Variants in RREB1 observed in about 807,000 individuals in gnomAD.
The protein encoded by RREB1 is ras-responsive element-binding protein 1.
RREB1 carries 27 observed loss-of-function variants against 117.8 expected under a neutral mutation model. The observed-to-expected ratio is 0.23, with a 90% CI of 0.17 to 0.32. The LOEUF (loss-of-function observed/expected upper bound fraction) is 0.32, where lower values mean the gene tolerates loss of function less well. Among genes scored for constraint, RREB1 ranks in the 10% least tolerant of loss-of-function variants. The pLI, the probability that RREB1 is intolerant of heterozygous loss-of-function variation, is 1.00. For synonymous variants in RREB1, 1,298 were observed against 1,026.7 expected, an observed-to-expected ratio of 1.26 and a Z score of -5.05; for missense variants, 2,577 against 2,378.2, an observed-to-expected ratio of 1.08 and a Z score of -1.74.
chr6:7,130,906 C>T (rs1299907589), intron 1 of RREB1, among the ~76,000 whole-genome samples: 1 of 145,182 alleles, frequency 6.9e-6, no homozygotes, highest in Non-Finnish European at 1.5e-5. Context: ...TGAGCCACTG[C>T]TCCTGACTGT....
At chr6:7,144,983 G>A (rs1222106974) in intron 1 of RREB1, among the ~76,000 whole-genome samples, 4 of 152,166 alleles carry the variant, frequency 2.6e-5, no homozygotes, top group Non-Finnish European at 5.9e-5. Context: ...TACAAACATA[G>A]TTAAGGGGGG....
At chr6:7,161,704 C>T (rs1763672468) in intron 1 of RREB1, among the ~76,000 whole-genome samples, 1 of 152,182 alleles carries the variant, frequency 6.6e-6, no homozygotes, top group Admixed American at 6.5e-5. Context: ...TGATAACCAT[C>T]CATGCTCTTT....
chr6:7,233,930 G>A (rs1768149889), intron 10 of RREB1, among the ~76,000 whole-genome samples: 1 of 152,204 alleles, frequency 6.6e-6, no homozygotes, highest in African/African-American at 2.4e-5. Flanking sequence ...GGGAGCGATA[G>A]GACTCTCAGT....
Position 7,210,341 on chromosome 6 carries a change from C to G in RREB1, c.426-463C>G, listed in dbSNP as rs1581541968. 2.6e-5 allele frequency among the ~76,000 whole-genome samples: 4 copies of G among 152,150 alleles called. No homozygotes were observed. In the South Asian group the frequency reaches 8.3e-4, roughly 32 times the overall value. ...TCAAATTTGACCACCAAAATGCTTC[C>G]AAAGCAGAAAAGAGAGATGTGTACA... is the stretch of plus-strand genomic sequence containing the variant. On this transcript the variant is annotated intron_variant, in intron 6 of 12. Coordinates refer to ENST00000379938, the MANE Select transcript of RREB1 (RefSeq NM_001003699.4).
At position 7,230,029 on chromosome 6, in the gene RREB1, C is replaced by A. The variant is rs773245765; in HGVS notation, c.1930C>A (p.Pro644Thr). ...KTPAMRKVLY[P>T]CRFCNQVFAF... ...GCCCGCCATGCGCAAGGTGCTCTAC[C>A]CCTGCCGCTTCTGCAACCAGGTGTT... The change falls in exon 10 of 13, where the codon CCC (proline) becomes ACC (threonine). Residue 644 changes from proline to threonine, a missense_variant. Coordinates refer to ENST00000379938, the MANE Select transcript of RREB1 (RefSeq NM_001003699.4). 1.2e-6 allele frequency: 2 copies of A among 1,611,100 alleles called. No homozygotes were observed. The highest frequency in any genetic ancestry group is 1.7e-6 in the Non-Finnish European group (2 of 1,177,960).
At chr6:7,188,184 A>T (rs1387338835) in intron 5 of RREB1, among the ~76,000 whole-genome samples, 1 of 151,784 alleles carries the variant, frequency 6.6e-6, no homozygotes, top group Non-Finnish European at 1.5e-5. Context: ...AATAAATCTC[A>T]AAATAAATAA....
intron 1 of RREB1, among the ~76,000 whole-genome samples, chr6:7,118,237 C>G (rs1761500724): frequency 6.6e-6 from 1 of 152,178 alleles, no homozygotes; most frequent in South Asian, 2.1e-4. Context: ...TCTCCCACCT[C>G]AGCCTCCTGA....
Position 7,229,129 on chromosome 6 carries a change from G to C in RREB1, c.1030G>C (p.Gly344Arg). 1 of 1,609,194 alleles carries C rather than the reference G, an allele frequency of 6.2e-7. No homozygotes were observed. The highest frequency in any genetic ancestry group is 8.5e-7 in the Non-Finnish European group (1 of 1,176,220). The change falls in exon 10 of 13, where the codon GGT (glycine) becomes CGT (arginine). Residue 344 changes from glycine (G) to arginine (R), a missense_variant. Gly to Arg is a moderately radical substitution (Grantham distance 125). Coordinates refer to ENST00000379938, the MANE Select transcript of RREB1 (RefSeq NM_001003699.4). This position sits in a 1 kb window ranked among gnomAD's most constrained non-coding sequence, Gnocchi z 4.5. ...GCAGACCCATGTGGCGGCAGACCAG[G>C]GTCAAGAAAAGCCGCAGGCCACGCC... is the stretch of plus-strand genomic sequence containing the variant. ...HKQTHVAADQ[G>R]QEKPQATPLP...
chr6:7,133,890 G>A (rs536682818), intron 1 of RREB1, among the ~76,000 whole-genome samples: 2 of 151,876 alleles, frequency 1.3e-5, no homozygotes, highest in South Asian at 2.1e-4. Context: ...TACAAAAATG[G>A]GATTTATTGT....
chr6:7,172,691 T>TGGG (rs147465069), intron 1 of RREB1, among the ~76,000 whole-genome samples: 22 of 135,032 alleles, frequency 1.6e-4, no homozygotes, highest in African/African-American at 3.1e-4. Context: ...GTTGCCGGTG[T>TGGG]GGGGGGGTGG....
intron 10 of RREB1, among the ~76,000 whole-genome samples, chr6:7,239,952 G>A (rs887089056): frequency 6.6e-6 from 1 of 152,204 alleles, no homozygotes; most frequent in African/African-American, 2.4e-5. Flanking sequence ...CCCTGGCTGG[G>A]GGCTGTCCCT....
intron 1 of RREB1, among the ~76,000 whole-genome samples, chr6:7,141,753 C>G (rs557668466): frequency 6.6e-6 from 1 of 152,224 alleles, no homozygotes; most frequent in African/African-American, 2.4e-5. Context: ...GGGGTGCAGA[C>G]ACTTGCCTGC....
At chr6:7,219,487 A>T (rs1767113146) in intron 8 of RREB1, among the ~76,000 whole-genome samples, 1 of 152,150 alleles carries the variant, frequency 6.6e-6, no homozygotes, top group African/African-American at 2.4e-5. Context: ...TGACTCAGGC[A>T]CGTGGTCAGG....
At position 7,247,111 on chromosome 6, in the gene RREB1, C is replaced by A. The variant is rs35742417; in HGVS notation, c.4661C>A (p.Ser1554Tyr). Residue 1554 changes from serine (S) to tyrosine (Y), a missense_variant, in exon 12 of 13, where the codon TCC (serine) becomes TAC (tyrosine). Ser to Tyr is a moderately radical substitution (Grantham distance 144, BLOSUM62 -2). Coordinates refer to ENST00000379938, the MANE Select transcript of RREB1 (RefSeq NM_001003699.4). ...GATGACAAGAAACCAAAGACAGACT[C>A]CCCCAAAAGCGTGGCCAGCAAGGCA... is the stretch of plus-strand genomic sequence containing the variant. ...SDDDKKPKTD[S>Y]PKSVASKADK... 265,489 of 1,613,522 alleles carry A rather than the reference C, an allele frequency of 0.16. 24,054 individuals carry two copies. Among genetic ancestry groups the A allele is most frequent in the African/African-American group, 0.21 (15,692 of 74,924 alleles).
At chr6:7,112,132 T>A (rs1761176227) in intron 1 of RREB1, among the ~76,000 whole-genome samples, 1 of 152,224 alleles carries the variant, frequency 6.6e-6, no homozygotes, top group African/African-American at 2.4e-5. Context: ...GCTATCTTTT[T>A]AAAAATAATT....
At chr6:7,141,224 C>G (rs2113385488) in intron 1 of RREB1, among the ~76,000 whole-genome samples, 1 of 152,046 alleles carries the variant, frequency 6.6e-6, no homozygotes, top group South Asian at 2.1e-4. Flanking sequence ...GGCTGGCGGG[C>G]TGGCGGGGGC....
chr6:7,118,191 G>A (rs2113302085), intron 1 of RREB1, among the ~76,000 whole-genome samples: 1 of 152,248 alleles, frequency 6.6e-6, no homozygotes, highest in South Asian at 2.1e-4. Context: ...TGGAATCTCA[G>A]CTCACTGCAA....
intron 10 of RREB1, 80 bp downstream of exon 10, chr6:7,231,987 C>G (rs959341343): frequency 1.5e-5 from 21 of 1,375,238 alleles, no homozygotes; most frequent in Admixed American, 8.9e-5. Flanking sequence ...AAAAGCGAGA[C>G]CCATCTCCCA....
intron 2 of RREB1, among the ~76,000 whole-genome samples, chr6:7,179,186 C>T (rs1764659281): frequency 6.6e-6 from 1 of 152,090 alleles, no homozygotes; most frequent in African/African-American, 2.4e-5. Context: ...TACATTTAGT[C>T]TTAAAGGTGT....
Sources: allele counts gnomAD v4.1 joint callset (sites outside exome capture counted in the v4.1 genomes callset), GRCh38; gene constraint gnomAD v4.1.1; non-coding constraint Gnocchi (gnomAD v3.1); transcripts MANE v1.5; gene names NCBI Gene and HGNC (gene_info 2026-07-23, HGNC 2026-07-21).